Variants in GBF1 observed in about 807,000 individuals in gnomAD.
The protein encoded by GBF1 is Golgi-specific brefeldin A-resistance guanine nucleotide exchange factor 1.
GBF1 carries 114 observed loss-of-function variants against 210.5 expected under a neutral mutation model. The observed-to-expected ratio is 0.54, with a 90% CI of 0.47 to 0.63. The LOEUF is 0.63. Among genes scored for constraint, GBF1 ranks in the 30% least tolerant of loss-of-function variants. The pLI is 0.00. For missense variants in GBF1, 1,851 were observed against 2,357.7 expected (o/e 0.79, Z 4.45); for synonymous variants, 850 against 889.2 (o/e 0.96, Z 0.78).
At chr10:102,255,583 C>G (rs1181735572) in intron 1 of GBF1, among the ~76,000 whole-genome samples, 1 of 152,210 alleles carries the variant, frequency 6.6e-6, no homozygotes, top group Non-Finnish European at 1.5e-5. Context: ...GTTTCTTTCC[C>G]TGGAGGCCGT....
At chr10:102,295,959 T>G (rs1054235879) in intron 3 of GBF1, among the ~76,000 whole-genome samples, 2 of 152,334 alleles carry the variant, frequency 1.3e-5, no homozygotes, top group South Asian at 2.1e-4. Flanking sequence ...TACTTATATC[T>G]TAAGTAGCGG....
At chr10:102,296,244 A>C (rs1447337455) in intron 3 of GBF1, among the ~76,000 whole-genome samples, 2 of 152,222 alleles carry the variant, frequency 1.3e-5, no homozygotes, top group African/African-American at 4.8e-5. Flanking sequence ...TGCTTATGAA[A>C]AAAACTGCCC....
At chr10:102,233,923 C>T in the GBF1 span, among the ~76,000 whole-genome samples, 46 of 152,302 alleles carry the variant, frequency 3.0e-4, no homozygotes, top group Non-Finnish European at 5.7e-4. Context: ...TCCCAGGACC[C>T]CTCTGCTGCG....
intron 3 of GBF1, among the ~76,000 whole-genome samples, chr10:102,333,162 C>T (rs188866843): frequency 2.0e-5 from 3 of 152,292 alleles, no homozygotes; most frequent in African/African-American, 7.2e-5. Context: ...CAAGGTCACA[C>T]AGTTAATGAC....
In GBF1 at chr10:102,370,816, C is replaced by G. The variant is rs146176839; in HGVS notation, c.3616C>G (p.Arg1206Gly). The G allele has an allele frequency of 6.2e-7, 1 of 1,614,018 alleles. No individual in the cohort carries two copies. The highest frequency in any genetic ancestry group is 8.5e-7 in the Non-Finnish European group (1 of 1,179,998). The part of the protein sequence containing the change: ...LVERAVVGLL[R>G]LAIRLLRREE... ...GGAGCGGGCAGTGGTGGGGTTGCTA[C>G]GCCTGGCCATTCGGCTTCTCCGGAG... is the stretch of plus-strand genomic sequence containing the variant. The change falls in exon 29 of 40, where the codon CGC becomes GGC. Residue 1206 changes from arginine to glycine, a missense_variant. This residue lies in a region of GBF1 where 967 missense variants were observed against 1,247.7 expected (regional missense o/e 0.78). Coordinates refer to ENST00000369983, the MANE Select transcript of GBF1 (RefSeq NM_001377137.1).
chr10:102,334,886 G>A (rs2057619120), intron 3 of GBF1, among the ~76,000 whole-genome samples: 1 of 150,950 alleles, frequency 6.6e-6, no homozygotes, highest in Non-Finnish European at 1.5e-5. Context: ...TCCCCATTTT[G>A]GAGAGGTCAC....
chr10:102,379,058 C>G (rs1245775397), intron 33 of GBF1, among the ~76,000 whole-genome samples: 1 of 152,206 alleles, frequency 6.6e-6, no homozygotes, highest in Non-Finnish European at 1.5e-5. Flanking sequence ...CCACACACCT[C>G]CTAAGGCTCT....
At chr10:102,234,362 T>C in the GBF1 span, among the ~76,000 whole-genome samples, 4 of 152,170 alleles carry the variant, frequency 2.6e-5, no homozygotes, top group African/African-American at 9.7e-5. Context: ...CAGAGGGGTC[T>C]AGATCTTGGA....
intron 3 of GBF1, among the ~76,000 whole-genome samples, chr10:102,272,347 T>C (rs1049126119): frequency 6.6e-6 from 1 of 152,198 alleles, no homozygotes; most frequent in African/African-American, 2.4e-5. Context: ...TCAGGTGATC[T>C]GCCCACCTTG....
rs1306617473 is a variant in GBF1, at chr10:102,336,911, T to C, written c.164-7140T>C. Among the ~76,000 whole-genome samples the C allele has an allele frequency of 2.0e-5, 3 of 152,202 alleles. No homozygotes were observed. The East Asian group carries it at 5.8e-4, about 29-fold the overall frequency. ...GAGTAACAGTTCCCTAGAAAACTGA[T>C]GCAGCCTACAAACTGCTGCTTATAC... On this transcript the variant is annotated intron_variant, in intron 3 of 39. Coordinates refer to ENST00000369983, the MANE Select transcript of GBF1 (RefSeq NM_001377137.1).
chr10:102,373,633 A>C (rs1565179487), intron 29 of GBF1, among the ~76,000 whole-genome samples: 1 of 152,238 alleles, frequency 6.6e-6, no homozygotes, highest in Admixed American at 6.5e-5. Context: ...AGTAGTGACA[A>C]TACCAAATGC....
chr10:102,333,840 G>A (rs1485431211), intron 3 of GBF1, among the ~76,000 whole-genome samples: 3 of 152,108 alleles, frequency 2.0e-5, no homozygotes, highest in Non-Finnish European at 2.9e-5. Flanking sequence ...ACTTTTGCAA[G>A]AAATATATTC....
At chr10:102,299,892 ATTG>A (rs777617183) in intron 3 of GBF1, among the ~76,000 whole-genome samples, 4 of 152,218 alleles carry the variant, frequency 2.6e-5, no homozygotes, top group Non-Finnish European at 5.9e-5. Flanking sequence ...TATTTTTATT[ATTG>A]TTATTTTATC....
chr10:102,366,786 A>G lies in GBF1; in HGVS notation c.2433+280A>G, dbSNP rs758294358. Among the ~76,000 whole-genome samples, 1 of 151,792 alleles carries G rather than the reference A, an allele frequency of 6.6e-6. No individual in the cohort carries two copies. The highest frequency in any genetic ancestry group is 1.5e-5 in the Non-Finnish European group (1 of 67,958). ...ATTTTTAGTAGAGATGGGTTTTGCC[A>G]TGTTGGTCAGGCTGGTCTCGAACTC... On this transcript the variant is annotated intron_variant, in intron 19 of 39. Coordinates refer to ENST00000369983, the MANE Select transcript of GBF1 (RefSeq NM_001377137.1). This position sits in a 1 kb window ranked among gnomAD's most constrained non-coding sequence, Gnocchi z 4.0.
intron 3 of GBF1, among the ~76,000 whole-genome samples, chr10:102,312,965 T>C (rs898554338): frequency 1.3e-5 from 2 of 152,178 alleles, no homozygotes; most frequent in Admixed American, 6.5e-5. Flanking sequence ...ATGGTGAAAT[T>C]GGGGCTAAGG....
In GBF1 at chr10:102,379,689, C is replaced by G. The variant is rs540439176; in HGVS notation, c.4776+38C>G. ...ACTGGTCTTAAGATAAAGTTCAAAT[C>G]CTAAGAAAAGGAAAGCCAGGCAGCC... is the stretch of plus-strand genomic sequence containing the variant. On this transcript the variant is annotated intron_variant, in intron 35 of 39. Transcript: ENST00000369983. The G allele has an allele frequency of 3.5e-4, 571 of 1,612,152 alleles. 8 individuals are homozygous for G. In the South Asian group the frequency reaches 5.9e-3, roughly 17 times the overall value.
intron 3 of GBF1, among the ~76,000 whole-genome samples, chr10:102,279,884 C>T (rs1475434573): frequency 2.0e-5 from 3 of 152,104 alleles, no homozygotes; most frequent in Admixed American, 6.6e-5. Flanking sequence ...TTTGGGAGGG[C>T]GACGCAAGAG....
rs1291151035 is a variant in GBF1, at chr10:102,382,396, C to G, written c.*60C>G. The G allele has an allele frequency of 5.5e-6, 8 of 1,448,236 alleles. No individual in the cohort carries two copies. Among genetic ancestry groups the G allele is most frequent in the Non-Finnish European group, 7.5e-6 (8 of 1,065,754 alleles). The allele number at this position is 1,448,236 out of a possible 1,614,324, so 89.7% of individuals were successfully genotyped here. On this transcript the variant is annotated 3_prime_UTR_variant, in exon 40 of 40. Coordinates refer to ENST00000369983, the MANE Select transcript of GBF1 (RefSeq NM_001377137.1). ...CACCAGGCTTTCCTTGACCCCACTT[C>G]TGGCTGTCCTGCGGGCCACAAGCTC...
chr10:102,260,352 G>T (rs1299846109), intron 3 of GBF1, among the ~76,000 whole-genome samples: 1 of 151,742 alleles, frequency 6.6e-6, no homozygotes, highest in African/African-American at 2.4e-5. Context: ...TAGAGACAGG[G>T]TCTTGCTATG....
Sources: allele counts gnomAD v4.1 joint callset (sites outside exome capture counted in the v4.1 genomes callset), GRCh38; gene constraint gnomAD v4.1.1; regional missense constraint gnomAD v4.1.1; non-coding constraint Gnocchi (gnomAD v3.1); transcripts MANE v1.5; gene names NCBI Gene and HGNC (gene_info 2026-07-23, HGNC 2026-07-21).